Variants in IRF4 observed in about 807,000 individuals in gnomAD.
The protein encoded by IRF4 is lymphocyte-specific interferon regulatory factor.
Under a neutral mutation model 55.5 loss-of-function variants are expected in IRF4, and 13 were observed. The ratio of observed to expected loss-of-function variants is 0.23; its 90% CI spans 0.15 to 0.37. IRF4 has a LOEUF of 0.37. IRF4 is among the 10% of genes least tolerant of loss of function. IRF4 has a pLI of 1.00. For missense variants in IRF4, 397 were observed against 593.8 expected, an observed-to-expected ratio of 0.67 and a Z score of 3.44; for synonymous variants, 249 against 240.7, an observed-to-expected ratio of 1.03 and a Z score of -0.32.
At position 395,910 on chromosome 6, in the gene IRF4, C is replaced by T. The variant is rs755460615; in HGVS notation, c.467C>T (p.Thr156Met). The T allele has an allele frequency of 1.1e-5, 18 of 1,613,734 alleles. No individual in the cohort carries two copies. The highest frequency in any genetic ancestry group is 1.4e-5 in the Non-Finnish European group (17 of 1,179,778). Reference sequence around the variant, plus strand: ...ATGAGCCACCCCTACACCATGACAACGCCTTACCCTTCGCTCCCAGCCCAG... The same window carrying T: ...ATGAGCCACCCCTACACCATGACAATGCCTTACCCTTCGCTCCCAGCCCAG... ...MSMSHPYTMTTPYPSLPAQQV... is the reference protein window; with the variant it reads ...MSMSHPYTMTMPYPSLPAQQV... The change falls in exon 4 of 9, where the codon ACG becomes ATG. Residue 156 changes from threonine (T) to methionine (M), a missense_variant. Transcript: ENST00000380956.
rs1245268914 is a variant in IRF4 at position 407,541 on chromosome 6, C to T, written c.1299C>T (p.His433=). ...HFLRGYDLPE[H]ISNPEDYHRS... is the part of the protein sequence containing the mutation. Reference sequence around the variant, plus strand: ...TGAGGGGCTACGATTTACCAGAACACATCAGCAATCCAGAAGATTACCACA... The same window carrying T: ...TGAGGGGCTACGATTTACCAGAACATATCAGCAATCCAGAAGATTACCACA... The change falls in exon 9 of 9, where the codon CAC becomes CAT. Residue 433 remains histidine, a synonymous_variant. Transcript: ENST00000380956. 1 of 1,612,982 alleles carries T rather than the reference C, an allele frequency of 6.2e-7. No homozygotes were observed. The highest frequency in any genetic ancestry group is 1.1e-5 in the South Asian group (1 of 90,856).
At chr6:402,480 C>T (rs888244011) in intron 7 of IRF4, among the ~76,000 whole-genome samples, 1 of 152,208 alleles carries the variant, frequency 6.6e-6, no homozygotes, top group African/African-American at 2.4e-5. Context: ...GCCACCCCAC[C>T]GCCAACTCTT....
At chr6:401,365 T>C (rs1581227627) in intron 6 of IRF4, 59 bp from the exon 7 acceptor site, 4 of 1,324,810 alleles carry the variant, frequency 3.0e-6, no homozygotes, top group South Asian at 1.3e-5. Context: ...TGTGGAGTCG[T>C]TGGCCTCGAG....
intron 5 of IRF4, among the ~76,000 whole-genome samples, chr6:398,115 A>G (rs931612003): frequency 6.6e-6 from 1 of 152,242 alleles, no homozygotes; most frequent in African/African-American, 2.4e-5. Context: ...ATTTGCAGCA[A>G]GGGCTGGTTT....
chr6:395,875 G>A lies in IRF4; in HGVS notation c.432G>A (p.Pro144=), dbSNP rs772806954. The part of the protein sequence containing the change: ...KGAKQLTLED[P]QMSMSHPYTM... ...CCAAGCAGCTCACCCTGGAGGACCC[G>A]CAGATGTCCATGAGCCACCCCTACA... is the stretch of plus-strand genomic sequence containing the variant. Residue 144 remains proline, a synonymous_variant, in exon 4 of 9, where the codon CCG becomes CCA. Transcript: ENST00000380956. 8.7e-6 allele frequency: 14 copies of A among 1,613,598 alleles called. No individual in the cohort carries two copies. The highest frequency in any genetic ancestry group is 4.5e-5 in the East Asian group (2 of 44,894).
intron 1 of IRF4, 95 bp downstream of exon 1, chr6:391,904 G>A (rs1269562695): frequency 2.2e-6 from 1 of 448,808 alleles, no homozygotes; most frequent in South Asian, 1.6e-5. Context: ...GGGCAGCGCA[G>A]GGTACCCCGG....
chr6:404,625 A>AT (rs1377056277), intron 7 of IRF4, among the ~76,000 whole-genome samples: 1 of 152,204 alleles, frequency 6.6e-6, no homozygotes, highest in East Asian at 1.9e-4. Flanking sequence ...AAACATTCTG[A>AT]TTTTTTAAAT....
chr6:392,082 G>A (rs988822484), intron 1 of IRF4, among the ~76,000 whole-genome samples: 2 of 152,154 alleles, frequency 1.3e-5, no homozygotes, highest in Non-Finnish European at 2.9e-5. Flanking sequence ...AAGCTGGACG[G>A]GATGAGCTAA....
intron 7 of IRF4, among the ~76,000 whole-genome samples, chr6:403,617 A>C (rs1256851933): frequency 6.6e-6 from 1 of 152,218 alleles, no homozygotes; most frequent in Non-Finnish European, 1.5e-5. Flanking sequence ...ACTAGAACTT[A>C]CTATTAATCT....
At chr6:395,124 C>G in intron 3 of IRF4, 117 bp downstream of exon 3, 1 of 798,968 alleles carries the variant, frequency 1.3e-6, no homozygotes, top group Non-Finnish European at 1.9e-6. Context: ...GCCTGCCTGC[C>G]TTCTGCCTCA....
chr6:401,934 T>C (rs904502617), intron 7 of IRF4, 157 bp downstream of exon 7: 4 of 628,836 alleles, frequency 6.4e-6, no homozygotes, highest in Admixed American at 2.8e-5. Flanking sequence ...AGAGATCTTC[T>C]GTCTGGCTCT....
Position 393,435 on chromosome 6 carries a change from G to C in IRF4, c.216+67G>C. The C allele has an allele frequency of 1.7e-6, 2 of 1,149,176 alleles. No homozygotes were observed. Among genetic ancestry groups the C allele is most frequent in the Non-Finnish European group, 2.3e-6 (2 of 868,286 alleles). The allele number at this position is 1,149,176 out of a possible 1,614,324, so 71.2% of individuals were successfully genotyped here. On this transcript the variant is annotated intron_variant, in intron 2 of 8. Transcript: ENST00000380956. The surrounding 1 kb of genome is among the most constrained non-coding windows in gnomAD (Gnocchi z 5.4). Reference sequence around the variant, plus strand: ...CCCAGAGACAGAGCCCGGGGTCCCCGGCGCCGCCTCCGAGGCGAGCCCAGG... The same window carrying C: ...CCCAGAGACAGAGCCCGGGGTCCCCCGCGCCGCCTCCGAGGCGAGCCCAGG...
In IRF4 at chr6:393,212, C is replaced by T. The variant is rs375593254; in HGVS notation, c.60C>T (p.Gly20=). ...TCGGCATGAGCGCGGTGAGCTGCGG[C>T]AACGGGAAGCTCCGCCAGTGGCTGA... ...GEFGMSAVSC[G]NGKLRQWLID... Residue 20 remains glycine (G), a synonymous_variant, in exon 2 of 9, where the codon GGC becomes GGT. Coordinates refer to ENST00000380956, the MANE Select transcript of IRF4 (RefSeq NM_002460.4). This position sits in a 1 kb window ranked among gnomAD's most constrained non-coding sequence, Gnocchi z 5.4. The T allele has an allele frequency of 7.0e-6, 11 of 1,561,532 alleles. No homozygotes were observed. The highest frequency in any genetic ancestry group is 1.9e-5 in the Admixed American group (1 of 52,006).
intron 8 of IRF4, 104 bp downstream of exon 8, chr6:405,234 T>A: frequency 2.9e-6 from 2 of 697,802 alleles, no homozygotes; most frequent in East Asian, 5.3e-5. Flanking sequence ...TCAAATGACC[T>A]GGAAAAATAA....
At chr6:404,173 C>A (rs979308750) in intron 7 of IRF4, among the ~76,000 whole-genome samples, 1 of 152,152 alleles carries the variant, frequency 6.6e-6, no homozygotes, top group African/African-American at 2.4e-5. Context: ...GTTTCTTTTG[C>A]GGGCGTGACA....
At position 393,430 on chromosome 6, in the gene IRF4, T is replaced by G. The variant is rs994946015; in HGVS notation, c.216+62T>G. On this transcript the variant is annotated intron_variant, in intron 2 of 8. Transcript: ENST00000380956. This position sits in a 1 kb window ranked among gnomAD's most constrained non-coding sequence, Gnocchi z 5.4. ...GAGGGCCCAGAGACAGAGCCCGGGG[T>G]CCCCGGCGCCGCCTCCGAGGCGAGC... 3,068 of 380,540 alleles carry G rather than the reference T, an allele frequency of 8.1e-3. No homozygotes were observed. The highest frequency in any genetic ancestry group is 0.012 in the Non-Finnish European group (2,586 of 217,854). The allele number at this position is 380,540 out of a possible 1,614,324, so 23.6% of individuals were successfully genotyped here.
Position 408,257 on chromosome 6 carries a change from G to T in IRF4, c.*659G>T, listed in dbSNP as rs1036909891. 1.2e-4 allele frequency: 29 copies of T among 232,218 alleles called. No individual in the cohort carries two copies. In the East Asian group the frequency reaches 1.8e-3, roughly 14 times the overall value. The allele number at this position is 232,218 out of a possible 1,614,324, so 14.4% of individuals were successfully genotyped here. ...AAGAAATGTATTAATGTATGTAGGA[G>T]CTGCAGTTCTTGTGGAAGACACTTG... is the stretch of plus-strand genomic sequence containing the variant. On this transcript the variant is annotated 3_prime_UTR_variant, in exon 9 of 9. Transcript: ENST00000380956.
At position 405,130 on chromosome 6, in the gene IRF4, C is replaced by T. The variant is rs141640145; in HGVS notation, c.1212C>T (p.His404=). The change falls in exon 8 of 9, where the codon CAC becomes CAT. Residue 404 remains histidine, a splice_region_variant and synonymous_variant. Transcript: ENST00000380956. ...PQRQRKLITA[H]VEPLLARQLY... is the part of the protein sequence containing the mutation. ...GGCAAAGAAAGCTCATCACAGCTCA[C>T]GTGAGTCCTCAGTTACACTCCTACC... The T allele has an allele frequency of 9.8e-6, 15 of 1,536,656 alleles. No individual in the cohort carries two copies. The highest frequency in any genetic ancestry group is 5.5e-5 in the African/African-American group (4 of 73,352).
intron 7 of IRF4, among the ~76,000 whole-genome samples, chr6:403,603 C>T (rs188122800): frequency 7.2e-5 from 11 of 152,350 alleles, no homozygotes; most frequent in Admixed American, 5.2e-4. Context: ...TGTAGACTTG[C>T]GCGACTAGAA....
Sources: gnomAD v4.1 joint callset for allele counts (sites outside exome capture counted in the v4.1 genomes callset) on GRCh38, gnomAD v4.1.1 for gene constraint, Gnocchi (gnomAD v3.1) non-coding constraint, MANE v1.5 for transcripts, NCBI Gene and HGNC (gene_info 2026-07-23, HGNC 2026-07-21) for gene names.